Variants in ACBD6 observed in about 807,000 individuals in gnomAD.
ACBD6 encodes acyl-CoA binding domain containing 6.
In ACBD6, 28 loss-of-function variants were observed where a neutral mutation model predicts 37.2. That is an observed-to-expected ratio of 0.75 (90% confidence interval 0.56 to 1.03). The LOEUF (loss-of-function observed/expected upper bound fraction) is 1.03. ACBD6 is among the 50% of genes least tolerant of loss of function. ACBD6 has a pLI of 0.00. For missense variants in ACBD6, 340 were observed against 337.4 expected (o/e 1.01, Z -0.06); for synonymous variants, 113 against 126.8 (o/e 0.89, Z 0.73).
rs770385988 is a variant in ACBD6, at chr1:180,352,273, ATATTAT to A, written c.664-37557_664-37552del. Among the ~76,000 whole-genome samples, 15 of 152,146 alleles carry A rather than the reference ATATTAT, an allele frequency of 9.9e-5. 1 individual carries two copies. The highest frequency in any genetic ancestry group is 1.9e-4 in the East Asian group (1 of 5,176). ...TGAATAAATGAATGCTTTATTGTTA[ATATTAT>A]TATTATTATTTTAGAGATGAGGTCT... On this transcript the variant is annotated intron_variant, in intron 6 of 7. Transcript: ENST00000367595.
At chr1:180,376,602 T>TA (rs1028098814) in intron 6 of ACBD6, among the ~76,000 whole-genome samples, 52 of 151,834 alleles carry the variant, frequency 3.4e-4, no homozygotes, top group African/African-American at 1.1e-3. Context: ...ACCTTTCATG[T>TA]AAAAAAAATG....
At chr1:180,419,545 G>A (rs752322852) in intron 4 of ACBD6, among the ~76,000 whole-genome samples, 9 of 152,174 alleles carry the variant, frequency 5.9e-5, no homozygotes, top group Admixed American at 3.3e-4. Flanking sequence ...TAAACAACAC[G>A]GAGGGTGGGG....
intron 6 of ACBD6, among the ~76,000 whole-genome samples, chr1:180,336,839 A>G (rs200676529): frequency 2.1e-4 from 32 of 152,292 alleles, no homozygotes; most frequent in South Asian, 4.1e-4. Flanking sequence ...CACCAATCCC[A>G]CAGAAATACA....
chr1:180,361,634 C>T (rs1395095847), intron 6 of ACBD6, among the ~76,000 whole-genome samples: 2 of 152,102 alleles, frequency 1.3e-5, no homozygotes, highest in Non-Finnish European at 2.9e-5. Flanking sequence ...CATTCAATGG[C>T]CTTCCAATAG....
rs2149285506 is a variant in ACBD6 at position 180,304,257 on chromosome 1, G to T, written c.694+10435C>A. ...ACATAGTGTTGGAAGTTCTGGCCAGGGTAATCAGGCAGGAGAAGGAAATAA... is the reference window on the plus strand; with the variant it reads ...ACATAGTGTTGGAAGTTCTGGCCAGTGTAATCAGGCAGGAGAAGGAAATAA... On this transcript the variant is annotated intron_variant, in intron 7 of 7. Coordinates refer to ENST00000367595, the MANE Select transcript of ACBD6 (RefSeq NM_032360.4). 1.3e-5 allele frequency among the ~76,000 whole-genome samples: 2 copies of T among 150,478 alleles called. 1 individual carries two copies. Among genetic ancestry groups the T allele is most frequent in the South Asian group, 4.3e-4 (2 of 4,674 alleles).
intron 9 of ACBD6, chr1:180,278,190 A>G (rs1298191314): frequency 6.6e-6 from 1 of 152,178 alleles, no homozygotes; most frequent in East Asian, 1.9e-4. Context: ...GGAAGGCCTG[A>G]GGAGGCTCAT....
At chr1:180,385,864 G>A (rs1377667893) in intron 6 of ACBD6, among the ~76,000 whole-genome samples, 1 of 152,084 alleles carries the variant, frequency 6.6e-6, no homozygotes, top group Non-Finnish European at 1.5e-5. Context: ...CATACACATA[G>A]GGTACAAGTA....
chr1:180,389,559 T>G (rs1186998544), intron 6 of ACBD6, among the ~76,000 whole-genome samples: 1 of 152,174 alleles, frequency 6.6e-6, no homozygotes, highest in South Asian at 2.1e-4. Context: ...TAGTTCTAGA[T>G]CCCTGAGGAA....
intron 6 of ACBD6, among the ~76,000 whole-genome samples, chr1:180,339,560 G>A (rs1002341320): frequency 2.2e-4 from 33 of 151,892 alleles, no homozygotes; most frequent in Non-Finnish European, 4.4e-4. Flanking sequence ...GAGGGATAGC[G>A]TTAGGAGATA....
intron 1 of ACBD6, among the ~76,000 whole-genome samples, chr1:180,499,912 C>T (rs552442552): frequency 2.0e-5 from 3 of 152,176 alleles, no homozygotes; most frequent in African/African-American, 7.2e-5. Context: ...TGACCATCAA[C>T]CTTCAAAACA....
chr1:180,329,835 CAT>C (rs1277910639), intron 6 of ACBD6, among the ~76,000 whole-genome samples: 1 of 152,098 alleles, frequency 6.6e-6, no homozygotes. Flanking sequence ...AAATGGGTAA[CAT>C]GTCTTTGGAC....
intron 6 of ACBD6, among the ~76,000 whole-genome samples, chr1:180,394,268 T>C (rs948856859): frequency 2.6e-5 from 4 of 151,608 alleles, no homozygotes; most frequent in African/African-American, 7.3e-5. Flanking sequence ...TAAAAAAAAA[T>C]GTGTGGAGAT....
At chr1:180,303,455 C>T (rs1325843115) in intron 7 of ACBD6, among the ~76,000 whole-genome samples, 1 of 150,822 alleles carries the variant, frequency 6.6e-6, no homozygotes, top group Non-Finnish European at 1.5e-5. Flanking sequence ...ATACAAACTA[C>T]CATCAGAGAA....
chr1:180,365,279 C>T (rs1653013654), intron 6 of ACBD6, among the ~76,000 whole-genome samples: 1 of 152,110 alleles, frequency 6.6e-6, no homozygotes, highest in African/African-American at 2.4e-5. Flanking sequence ...GAAGAACGTG[C>T]CCACGATTGC....
At chr1:180,473,955 T>C (rs1650675417) in intron 3 of ACBD6, among the ~76,000 whole-genome samples, 1 of 152,170 alleles carries the variant, frequency 6.6e-6, no homozygotes. Context: ...AACACCTGTA[T>C]ATATATGTAC....
At chr1:180,356,369 A>G (rs1426165997) in intron 6 of ACBD6, among the ~76,000 whole-genome samples, 2 of 151,250 alleles carry the variant, frequency 1.3e-5, no homozygotes, top group Non-Finnish European at 2.9e-5. Flanking sequence ...ATGGGGTTTT[A>G]CCGTGTCGCC....
intron 5 of ACBD6, among the ~76,000 whole-genome samples, chr1:180,402,290 A>G (rs1647404983): frequency 6.6e-6 from 1 of 152,214 alleles, no homozygotes; most frequent in African/African-American, 2.4e-5. Context: ...ACTTAGGAAT[A>G]AGATTGAAAG....
chr1:180,346,143 G>A (rs1236593468), intron 6 of ACBD6, among the ~76,000 whole-genome samples: 2 of 152,064 alleles, frequency 1.3e-5, no homozygotes, highest in Non-Finnish European at 2.9e-5. Context: ...CTAACAAGAT[G>A]GAATTTAACA....
chr1:180,444,335 A>G (rs1271219084), intron 3 of ACBD6, among the ~76,000 whole-genome samples: 5 of 152,074 alleles, frequency 3.3e-5, no homozygotes, highest in Admixed American at 3.3e-4. Context: ...TAGAAAAAAA[A>G]CTGACCCCAT....
Sources: allele counts gnomAD v4.1 joint callset (sites outside exome capture counted in the v4.1 genomes callset), GRCh38; gene constraint gnomAD v4.1.1; transcripts MANE v1.5; gene names NCBI Gene and HGNC (gene_info 2026-07-23, HGNC 2026-07-21).